AK5: variants seen among roughly 807,000 people sequenced by gnomAD.
The protein encoded by AK5 is adenylate kinase 5.
A neutral mutation model predicts 69.5 loss-of-function variants in AK5; 27 were observed. That is an observed-to-expected ratio of 0.39 (90% CI 0.29 to 0.54). AK5 has a LOEUF of 0.54. AK5 is among the 20% of genes least tolerant of loss of function. The pLI is 0.71. For missense variants in AK5, 531 were observed against 700.4 expected (o/e 0.76, Z 2.73); for synonymous variants, 260 against 244.4 (o/e 1.06, Z -0.60).
chr1:77,378,445 C>T (rs1321803013), intron 6 of AK5, among the ~76,000 whole-genome samples: 2 of 152,152 alleles, frequency 1.3e-5, no homozygotes, highest in Non-Finnish European at 2.9e-5. Context: ...CCTCAGCCTC[C>T]CAAGTAGCTG....
At chr1:77,444,355 TATATATAGTATAAATATATACTATATATA>T (rs1393399230) in intron 8 of AK5, among the ~76,000 whole-genome samples, 1 of 41,146 alleles carries the variant, frequency 2.4e-5, no homozygotes, top group Non-Finnish European at 4.4e-5. Context: ...AATATATGTG[TATATATAGTATAAATATATACTATATATA>T]GTATATATAG....
At chr1:77,544,702 G>A (rs189066561) in intron 13 of AK5, among the ~76,000 whole-genome samples, 49 of 152,146 alleles carry the variant, frequency 3.2e-4, no homozygotes, top group African/African-American at 1.1e-3. Flanking sequence ...TGGAGCTGTC[G>A]TCTGCTTTGA....
intron 8 of AK5, among the ~76,000 whole-genome samples, chr1:77,475,387 TGTATATATATAATATATATG>T (rs1654818222): frequency 5.5e-5 from 1 of 18,234 alleles, no homozygotes; most frequent in African/African-American, 2.1e-4. Context: ...ATTATATATA[TGTATATATATAATATATATG>T]TATATATATA....
At chr1:77,557,378 T>C (rs554028683) in intron 13 of AK5, 2 of 198,454 alleles carry the variant, frequency 1.0e-5, no homozygotes, top group South Asian at 2.1e-4. Flanking sequence ...GTGACACTCA[T>C]GGAAGTTGAT....
intron 10 of AK5, among the ~76,000 whole-genome samples, chr1:77,499,870 A>ATTTTTTTTTTT (rs1178365313): frequency 2.0e-5 from 1 of 50,452 alleles, no homozygotes; most frequent in African/African-American, 1.1e-4. Context: ...CCCTTTTTCC[A>ATTTTTTTTTTT]TTTTTTTTTT....
At chr1:77,309,842 T>C (rs1659844476) in intron 5 of AK5, among the ~76,000 whole-genome samples, 4 of 152,180 alleles carry the variant, frequency 2.6e-5, no homozygotes, top group Admixed American at 2.6e-4. Context: ...TCGATTTGGA[T>C]GTTCTAGATA....
At chr1:77,311,342 T>C (rs1472575193) in intron 5 of AK5, among the ~76,000 whole-genome samples, 2 of 152,174 alleles carry the variant, frequency 1.3e-5, no homozygotes, top group African/African-American at 4.8e-5. Flanking sequence ...CTGAGATTCT[T>C]ATTTCTCAGC....
rs76941335 is a variant in AK5, at chr1:77,507,517, T to C, written c.1148-11047T>C. On this transcript the variant is annotated intron_variant, in intron 10 of 13. Coordinates refer to ENST00000354567, the MANE Select transcript of AK5 (RefSeq NM_174858.3). Reference sequence around the variant, plus strand: ...AGTCTGCAATGACTTCTCAAACATATTTGGTCTCTCAACTATACCACTGGT... The same window carrying C: ...AGTCTGCAATGACTTCTCAAACATACTTGGTCTCTCAACTATACCACTGGT... Among the ~76,000 whole-genome samples the C allele has an allele frequency of 1.6e-3, 251 of 152,336 alleles. 5 individuals carry two copies. The East Asian group carries it at 0.038, about 23-fold the overall frequency.
At chr1:77,295,025 G>GA (rs542529972) in intron 3 of AK5, among the ~76,000 whole-genome samples, 41 of 150,902 alleles carry the variant, frequency 2.7e-4, no homozygotes, top group Admixed American at 2.5e-3. Context: ...CTCAAAAAAA[G>GA]AAAAAAAAAT....
intron 6 of AK5, among the ~76,000 whole-genome samples, chr1:77,402,971 T>A (rs1357853064): frequency 6.6e-6 from 1 of 152,064 alleles, no homozygotes; most frequent in Non-Finnish European, 1.5e-5. Flanking sequence ...TTTCCTGACT[T>A]TTTAATGATT....
chr1:77,556,577 CAG>C (rs963327694), intron 13 of AK5, among the ~76,000 whole-genome samples: 51 of 152,282 alleles, frequency 3.3e-4, no homozygotes, highest in African/African-American at 1.2e-3. Flanking sequence ...GAACGACAAA[CAG>C]TGCTTCCGTT....
At chr1:77,505,566 G>A (rs1656975613) in intron 10 of AK5, among the ~76,000 whole-genome samples, 1 of 152,082 alleles carries the variant, frequency 6.6e-6, no homozygotes, top group African/African-American at 2.4e-5. Flanking sequence ...GAGAAAAAAA[G>A]TATTTCTTTA....
chr1:77,446,982 C>T (rs1419713949), intron 8 of AK5, among the ~76,000 whole-genome samples: 1 of 152,168 alleles, frequency 6.6e-6, no homozygotes, highest in Non-Finnish European at 1.5e-5. Flanking sequence ...GTTTGCCTCC[C>T]GGCTCTGCAG....
intron 10 of AK5, among the ~76,000 whole-genome samples, chr1:77,515,974 G>A (rs1343242207): frequency 1.3e-5 from 2 of 152,124 alleles, no homozygotes; most frequent in African/African-American, 4.8e-5. Flanking sequence ...AAGGCAAGAG[G>A]ATTGCTTCAG....
chr1:77,354,728 C>T (rs1662401682), intron 6 of AK5, among the ~76,000 whole-genome samples: 1 of 152,170 alleles, frequency 6.6e-6, no homozygotes, highest in South Asian at 2.1e-4. Flanking sequence ...AGTCTCTAAC[C>T]ATTGCCAATT....
chr1:77,295,431 AAG>A (rs1431650594), intron 3 of AK5, among the ~76,000 whole-genome samples: 2 of 152,234 alleles, frequency 1.3e-5, no homozygotes, highest in South Asian at 2.1e-4. Flanking sequence ...AAATTACAGA[AAG>A]AGAGTTTAAA....
chr1:77,339,175 C>T (rs1338570485), intron 5 of AK5, among the ~76,000 whole-genome samples: 1 of 152,200 alleles, frequency 6.6e-6, no homozygotes, highest in Non-Finnish European at 1.5e-5. Flanking sequence ...ATCATATGTA[C>T]ATGCATAATT....
chr1:77,324,980 C>CTTTTTTTGTT (rs1660722512), intron 5 of AK5, among the ~76,000 whole-genome samples: 1 of 139,198 alleles, frequency 7.2e-6, no homozygotes, highest in Non-Finnish European at 1.5e-5. Flanking sequence ...TTACGAGCTA[C>CTTTTTTTGTT]TTTTTTTTTT....
rs559062592 is a variant in AK5, at chr1:77,304,333, C to T, written c.699+6386C>T. Among the ~76,000 whole-genome samples the T allele has an allele frequency of 4.6e-5, 7 of 151,982 alleles. No individual in the cohort carries two copies. In the South Asian group the frequency reaches 1.0e-3, roughly 23 times the overall value. ...ATAATCACCTCCATCCATGTTGTTGCGTATGACAGGATCTCATTCTTTTTT... is the reference window on the plus strand; with the variant it reads ...ATAATCACCTCCATCCATGTTGTTGTGTATGACAGGATCTCATTCTTTTTT... On this transcript the variant is annotated intron_variant, in intron 5 of 13. Transcript: ENST00000354567.
Sources: allele counts gnomAD v4.1 joint callset (sites outside exome capture counted in the v4.1 genomes callset), GRCh38; gene constraint gnomAD v4.1.1; transcripts MANE v1.5; gene names NCBI Gene and HGNC (gene_info 2026-07-23, HGNC 2026-07-21).